LRRIQ1: variants seen among roughly 807,000 people sequenced by gnomAD.
The protein encoded by LRRIQ1 is leucine rich repeats and IQ motif containing 1, also known as leucine-rich repeat- and IQ domain-containing protein 1.
In LRRIQ1, 210 loss-of-function variants were observed where a neutral mutation model predicts 211.9. The ratio of observed to expected loss-of-function variants is 0.99; its 90% CI spans 0.89 to 1.11. The LOEUF is 1.11. Among genes scored for constraint, LRRIQ1 ranks in the 50% most tolerant of loss-of-function variants. The pLI is 0.00. For synonymous variants in LRRIQ1, 699 were observed against 650.1 expected, an observed-to-expected ratio of 1.08 and a Z score of -1.14; for missense variants, 2,136 against 1,939.5, an observed-to-expected ratio of 1.10 and a Z score of -1.90.
chr12:85,160,936 A>G (rs554109128), intron 24 of LRRIQ1, among the ~76,000 whole-genome samples: 18 of 152,168 alleles, frequency 1.2e-4, no homozygotes, highest in Non-Finnish European at 1.3e-4. Context: ...CAATGTTTAC[A>G]TAAATTTTAA....
downstream of LRRIQ1, among the ~76,000 whole-genome samples, chr12:85,266,749 G>A (rs937779243): frequency 1.3e-5 from 2 of 152,128 alleles, no homozygotes; most frequent in Non-Finnish European, 2.9e-5. Context: ...CTGTAGCAGT[G>A]GGAGGTTAGA....
chr12:85,096,008 C>T (rs10779148), intron 11 of LRRIQ1, among the ~76,000 whole-genome samples: 43,159 of 151,842 alleles, frequency 0.28, 6,277 homozygotes, highest in Admixed American at 0.34. Context: ...GGTTGTAGTA[C>T]CAGCTTTGTT....
At chr12:85,171,984 A>G (rs1019681941) in intron 24 of LRRIQ1, among the ~76,000 whole-genome samples, 2 of 152,240 alleles carry the variant, frequency 1.3e-5, no homozygotes, top group Non-Finnish European at 2.9e-5. Context: ...TGGTAGCTTC[A>G]AAGTGCTAAA....
intron 8 of LRRIQ1, among the ~76,000 whole-genome samples, chr12:85,061,983 A>G (rs1881863864): frequency 6.6e-6 from 1 of 151,812 alleles, no homozygotes; most frequent in Admixed American, 6.6e-5. Flanking sequence ...ATCACCATGA[A>G]CACATGGTCC....
At chr12:85,047,603 A>G (rs910353930) in intron 6 of LRRIQ1, 133 bp downstream of exon 6, 157 of 695,404 alleles carry the variant, frequency 2.3e-4, no homozygotes, top group Non-Finnish European at 3.6e-4. Context: ...GAAGAAATTG[A>G]CTGTGAATTA....
chr12:85,238,874 A>G (rs868459934), intron 26 of LRRIQ1, among the ~76,000 whole-genome samples: 53 of 152,274 alleles, frequency 3.5e-4, no homozygotes, highest in African/African-American at 1.1e-3. Context: ...AAAAGTCTTA[A>G]GAAATCCTCA....
intron 23 of LRRIQ1, among the ~76,000 whole-genome samples, chr12:85,154,814 TCA>T (rs1039934393): frequency 2.6e-5 from 4 of 151,240 alleles, no homozygotes; most frequent in African/African-American, 9.7e-5. Context: ...CTTTTGTACA[TCA>T]GTTTTGTTTT....
chr12:85,217,433 A>C (rs1317212592), intron 24 of LRRIQ1, among the ~76,000 whole-genome samples: 1 of 139,364 alleles, frequency 7.2e-6, no homozygotes, highest in Admixed American at 7.4e-5. Context: ...TTTATCAATG[A>C]GTGAAAACCT....
At chr12:85,164,280 C>A (rs939552403) in intron 24 of LRRIQ1, among the ~76,000 whole-genome samples, 1 of 152,092 alleles carries the variant, frequency 6.6e-6, no homozygotes, top group African/African-American at 2.4e-5. Flanking sequence ...GCTTAATGGA[C>A]ATTAGTGTAG....
intron 13 of LRRIQ1, 23 bp from the exon 14 acceptor site, chr12:85,103,981 G>T (rs2136308930): frequency 6.7e-7 from 1 of 1,488,112 alleles, no homozygotes; most frequent in East Asian, 2.4e-5. Flanking sequence ...GAATTTTGAT[G>T]AAGTTTTTGT....
chr12:85,239,885 C>A (rs542706731), intron 26 of LRRIQ1, among the ~76,000 whole-genome samples: 1 of 151,882 alleles, frequency 6.6e-6, no homozygotes, highest in East Asian at 1.9e-4. Flanking sequence ...GGCTGGGACA[C>A]AAGAATCCCT....
chr12:85,137,057 A>T (rs1023471494), intron 18 of LRRIQ1, among the ~76,000 whole-genome samples: 20 of 151,542 alleles, frequency 1.3e-4, no homozygotes, highest in Non-Finnish European at 2.7e-4. Flanking sequence ...AACCATTTTT[A>T]AAATTAATTT....
intron 18 of LRRIQ1, among the ~76,000 whole-genome samples, chr12:85,129,872 G>A (rs1888632179): frequency 6.6e-6 from 1 of 152,186 alleles, no homozygotes; most frequent in African/African-American, 2.4e-5. Flanking sequence ...AGCCAAATCA[G>A]TTAGCATCCT....
exon 2 of LRRIQ1, chr12:85,263,877 T>C (rs533270007): frequency 6.6e-6 from 1 of 152,048 alleles, no homozygotes; most frequent in Non-Finnish European, 1.5e-5. Context: ...TATTAAAGTC[T>C]TACTGTTGTG....
At chr12:85,067,543 T>A (rs936141701) in intron 10 of LRRIQ1, among the ~76,000 whole-genome samples, 6 of 151,732 alleles carry the variant, frequency 4.0e-5, no homozygotes, top group African/African-American at 9.7e-5. Context: ...ATCTTTTATT[T>A]TTTATTTATT....
chr12:85,200,379 G>T (rs551289977), intron 24 of LRRIQ1, among the ~76,000 whole-genome samples: 1 of 152,238 alleles, frequency 6.6e-6, no homozygotes, highest in South Asian at 2.1e-4. Flanking sequence ...CGAGATTCTA[G>T]GGTTTTCTAG....
At chr12:85,139,692 G>A (rs1450459685) in intron 19 of LRRIQ1, among the ~76,000 whole-genome samples, 2 of 151,270 alleles carry the variant, frequency 1.3e-5, no homozygotes, top group African/African-American at 4.8e-5. Flanking sequence ...TGAAGATGAA[G>A]GTGTTGTAGA....
intron 11 of LRRIQ1, among the ~76,000 whole-genome samples, chr12:85,086,609 C>T (rs1223027855): frequency 3.4e-5 from 4 of 116,928 alleles, no homozygotes; most frequent in African/African-American, 1.2e-4. Flanking sequence ...TTAGGTATTT[C>T]TTTTCTTTTT....
rs1593032624 is a variant in LRRIQ1, at chr12:85,257,252, A to G, written c.122-5663A>G. The stretch of plus-strand genomic sequence containing the variant: ...GGAACATGCATATCCATCCAGATCC[A>G]TAAAAAAAGATGCTCTCAACTATAA... On this transcript the variant is annotated intron_variant, in intron 1 of 1. Coordinates refer to the LRRIQ1 transcript ENST00000602731. Among the ~76,000 whole-genome samples the G allele has an allele frequency of 1.4e-5, 2 of 138,098 alleles. 1 individual carries two copies. Among genetic ancestry groups the G allele is most frequent in the African/African-American group, 5.3e-5 (2 of 37,430 alleles). 90.6% of individuals were successfully genotyped at this position (138,098 alleles called of 152,430 possible). A position where few individuals can be genotyped will look rare whatever the true frequency, so the allele number is the denominator to read the frequency against.
Sources: allele counts gnomAD v4.1 joint callset (sites outside exome capture counted in the v4.1 genomes callset), GRCh38; gene constraint gnomAD v4.1.1; transcripts MANE v1.5; gene names NCBI Gene and HGNC (gene_info 2026-07-23, HGNC 2026-07-21).